JPH1: variants seen among roughly 807,000 people sequenced by gnomAD.
The protein encoded by JPH1 is junctophilin 1, also known as junctophilin-1.
Under a neutral mutation model 53.6 loss-of-function variants are expected in JPH1, and 12 were observed. The observed-to-expected ratio is 0.22, with a 90% confidence interval of 0.14 to 0.36. The LOEUF is 0.36. Ranked by LOEUF, JPH1 falls within the 10% of genes least tolerant of loss-of-function variation. JPH1 has a pLI of 1.00. For missense variants in JPH1, 808 were observed against 905.5 expected, an observed-to-expected ratio of 0.89 and a Z score of 1.38; for synonymous variants, 375 against 363.8, an observed-to-expected ratio of 1.03 and a Z score of -0.35.
intron 2 of JPH1, among the ~76,000 whole-genome samples, chr8:74,292,158 A>G (rs960069813): frequency 1.3e-5 from 2 of 152,228 alleles, no homozygotes; most frequent in African/African-American, 4.8e-5. Context: ...CATGTACCCT[A>G]GAACTTAAAA....
At chr8:74,261,619 C>T (rs1806398628) in intron 2 of JPH1, among the ~76,000 whole-genome samples, 2 of 152,238 alleles carry the variant, frequency 1.3e-5, no homozygotes, top group South Asian at 4.2e-4. Flanking sequence ...TGGGTAATGC[C>T]TTAGTCCTGT....
intron 2 of JPH1, among the ~76,000 whole-genome samples, chr8:74,293,873 A>G (rs766345090): frequency 5.9e-5 from 9 of 152,144 alleles, no homozygotes; most frequent in South Asian, 2.1e-4. Flanking sequence ...TCTGGACCCA[A>G]CTTTTGGAAG....
intron 2 of JPH1, among the ~76,000 whole-genome samples, chr8:74,294,235 C>G (rs75953055): frequency 0.1 from 15,537 of 152,186 alleles, 1,034 homozygotes; most frequent in African/African-American, 0.19. Flanking sequence ...AAGTTCCCCA[C>G]GTGCCACCTG....
In JPH1 at chr8:74,275,336, G is replaced by A. The variant is rs116843839; in HGVS notation, c.1140-15833C>T. Among the ~76,000 whole-genome samples the A allele has an allele frequency of 7.0e-3, 1,063 of 152,160 alleles. 2 individuals are homozygous for A. The highest frequency in any genetic ancestry group is 0.011 in the Non-Finnish European group (769 of 67,992). On this transcript the variant is annotated intron_variant, in intron 2 of 5. Coordinates refer to ENST00000342232, the MANE Select transcript of JPH1 (RefSeq NM_020647.4). ...AACAGAGATGTCTGTTTTTACTGGA[G>A]GGCACATGTTACTGAATATAATTAC... is the stretch of plus-strand genomic sequence containing the variant.
In JPH1 at chr8:74,296,934, T is replaced by A. The variant is rs573274929; in HGVS notation, c.1139+17927A>T. ...GAAGTCCACGTATAGACAGAAAGTA[T>A]AAGGCATAAGCCAATGCAAGCTATG... is the stretch of plus-strand genomic sequence containing the variant. On this transcript the variant is annotated intron_variant, in intron 2 of 5. Transcript: ENST00000342232. Among the ~76,000 whole-genome samples, 15 of 152,326 alleles carry A rather than the reference T, an allele frequency of 9.8e-5. 1 individual carries two copies. The highest frequency in any genetic ancestry group is 3.1e-4 in the African/African-American group (13 of 41,586).
intron 2 of JPH1, among the ~76,000 whole-genome samples, chr8:74,276,588 G>T (rs1214305557): frequency 2.0e-5 from 3 of 152,190 alleles, no homozygotes; most frequent in Non-Finnish European, 2.9e-5. Context: ...CTTATTATAT[G>T]CCAGGTTTAA....
rs965717653 is a variant in JPH1 at position 74,321,444 on chromosome 8, C to T, written c.-157G>A. 3.2e-5 allele frequency: 20 copies of T among 634,778 alleles called. No individual in the cohort carries two copies. The highest frequency in any genetic ancestry group is 1.4e-4 in the East Asian group (4 of 28,824). The allele number at this position is 634,778 out of a possible 1,614,324, so 39.3% of individuals were successfully genotyped here. ...GCTCGGCTCCAGTCCGACGCCGCCC[C>T]CGTCCTCCCTCCTCTTTTGCCGCCG... On this transcript the variant is annotated 5_prime_UTR_variant, in exon 1 of 6. Transcript: ENST00000342232. The surrounding 1 kb of genome is among the most constrained non-coding windows in gnomAD (Gnocchi z 4.3).
In JPH1 at chr8:74,315,562, G is replaced by T. The variant is rs975722421; in HGVS notation, c.438C>A (p.Ser146Arg). Residue 146 changes from serine to arginine, a missense_variant, in exon 2 of 6, where the codon AGC becomes AGA. Coordinates refer to ENST00000342232, the MANE Select transcript of JPH1 (RefSeq NM_020647.4). This position sits in a 1 kb window ranked among gnomAD's most constrained non-coding sequence, Gnocchi z 6.3. ...GMRHGYGVRQ[S>R]VPYGMATVIR... ...TCACCGTGGCCATGCCGTAGGGCAC[G>T]CTCTGGCGCACGCCGTAGCCATGCC... 1.2e-6 allele frequency: 2 copies of T among 1,605,688 alleles called. No individual in the cohort carries two copies. Among genetic ancestry groups the T allele is most frequent in the Non-Finnish European group, 1.7e-6 (2 of 1,178,452 alleles).
intron 2 of JPH1, among the ~76,000 whole-genome samples, chr8:74,269,731 C>CA (rs779452306): frequency 1.6e-4 from 25 of 152,142 alleles, no homozygotes; most frequent in Non-Finnish European, 3.2e-4. Context: ...ACCTGAGACT[C>CA]AGAGAGATTA....
intron 2 of JPH1, among the ~76,000 whole-genome samples, chr8:74,294,344 G>A (rs1232276970): frequency 3.3e-5 from 5 of 152,016 alleles, no homozygotes; most frequent in African/African-American, 1.2e-4. Context: ...TCATTTCTAA[G>A]TGAAGCATTT....
intron 3 of JPH1, among the ~76,000 whole-genome samples, chr8:74,245,570 A>C (rs1805837736): frequency 6.6e-6 from 1 of 152,250 alleles, no homozygotes; most frequent in East Asian, 1.9e-4. Flanking sequence ...AATAAAGTAT[A>C]CTGTAAGAGG....
intron 2 of JPH1, among the ~76,000 whole-genome samples, chr8:74,286,722 A>G (rs1477104991): frequency 1.3e-5 from 2 of 152,316 alleles, no homozygotes; most frequent in Admixed American, 1.3e-4. Flanking sequence ...TCTCCATTAC[A>G]CTGGAAATTC....
At chr8:74,269,426 A>G (rs1282085862) in intron 2 of JPH1, among the ~76,000 whole-genome samples, 2 of 152,134 alleles carry the variant, frequency 1.3e-5, no homozygotes, top group East Asian at 3.8e-4. Flanking sequence ...CTGCTCTGTC[A>G]CTCTGTTTAT....
At chr8:74,262,903 G>A (rs1806433041) in intron 2 of JPH1, among the ~76,000 whole-genome samples, 1 of 152,180 alleles carries the variant, frequency 6.6e-6, no homozygotes, top group Non-Finnish European at 1.5e-5. Context: ...GGCATCACCT[G>A]TACTTAAAAA....
intron 2 of JPH1, among the ~76,000 whole-genome samples, chr8:74,303,447 C>A (rs1244560835): frequency 1.3e-5 from 2 of 152,122 alleles, no homozygotes; most frequent in Non-Finnish European, 2.9e-5. Flanking sequence ...CTAGGCTTAC[C>A]ATGCTTAACT....
intron 1 of JPH1, among the ~76,000 whole-genome samples, chr8:74,318,932 G>T (rs1808237583): frequency 6.6e-6 from 1 of 151,918 alleles, no homozygotes; most frequent in African/African-American, 2.4e-5. Context: ...AAATCTATTA[G>T]CATAGAGTAG....
At chr8:74,263,232 G>C (rs1806442851) in intron 2 of JPH1, among the ~76,000 whole-genome samples, 1 of 152,136 alleles carries the variant, frequency 6.6e-6, no homozygotes, top group African/African-American at 2.4e-5. Context: ...TCTGCTAAAG[G>C]TGAAGCGCTA....
chr8:74,290,006 A>G (rs948512694), intron 2 of JPH1, among the ~76,000 whole-genome samples: 1 of 152,160 alleles, frequency 6.6e-6, no homozygotes, highest in Non-Finnish European at 1.5e-5. Flanking sequence ...ATCGATGTTC[A>G]TCAGGGATAT....
At position 74,278,652 on chromosome 8, in the gene JPH1, G is replaced by A. The variant is rs754595500; in HGVS notation, c.1140-19149C>T. On this transcript the variant is annotated intron_variant, in intron 2 of 5. Coordinates refer to ENST00000342232, the MANE Select transcript of JPH1 (RefSeq NM_020647.4). The stretch of plus-strand genomic sequence containing the variant: ...CAGTGTTGGCTTGGGTGATTGACCC[G>A]GACTAATGCACTTATGTACCTTTGT... 1.1e-4 allele frequency among the ~76,000 whole-genome samples: 16 copies of A among 152,242 alleles called. No homozygotes were observed. The Middle Eastern group carries it at 0.01, about 97-fold the overall frequency.
Sources: gnomAD v4.1 joint callset for allele counts (sites outside exome capture counted in the v4.1 genomes callset) on GRCh38, gnomAD v4.1.1 for gene constraint, Gnocchi (gnomAD v3.1) non-coding constraint, MANE v1.5 for transcripts, NCBI Gene and HGNC (gene_info 2026-07-23, HGNC 2026-07-21) for gene names.